KTN1: variants seen among roughly 807,000 people sequenced by gnomAD.
KTN1 encodes the protein kinectin.
KTN1 carries 130 observed loss-of-function variants against 222.5 expected under a neutral mutation model. That is an observed-to-expected ratio of 0.58 (90% CI 0.51 to 0.68). KTN1 has a LOEUF of 0.68. KTN1 is among the 30% of genes least tolerant of loss of function. The pLI is 0.00. For missense variants in KTN1, 1,508 were observed against 1,500.4 expected, an observed-to-expected ratio of 1.01 and a Z score of -0.08; for synonymous variants, 512 against 496.3, an observed-to-expected ratio of 1.03 and a Z score of -0.42.
chr14:55,592,731 A>C (rs1480966805), intron 1 of KTN1, among the ~76,000 whole-genome samples: 1 of 152,188 alleles, frequency 6.6e-6, no homozygotes, highest in Non-Finnish European at 1.5e-5. Flanking sequence ...CAGTGTTTGC[A>C]TGTGGTTTTC....
At chr14:55,638,301 C>A (rs995654384) in intron 12 of KTN1, among the ~76,000 whole-genome samples, 1 of 151,778 alleles carries the variant, frequency 6.6e-6, no homozygotes, top group African/African-American at 2.4e-5. Context: ...AGTGACTCAG[C>A]CTTCCAAAGT....
intron 5 of KTN1, among the ~76,000 whole-genome samples, chr14:55,620,587 G>A (rs182738578): frequency 1.6e-4 from 24 of 152,180 alleles, no homozygotes; most frequent in African/African-American, 5.8e-4. Flanking sequence ...ACACTACGTT[G>A]AAGCTGCTAA....
intron 29 of KTN1, 92 bp from the exon 30 acceptor site, chr14:55,658,454 C>A (rs955539468): frequency 1.3e-6 from 1 of 756,642 alleles, no homozygotes; most frequent in Non-Finnish European, 2.3e-6. Context: ...TGGAATTTTT[C>A]TAGCTTGTAT....
intron 22 of KTN1, 87 bp downstream of exon 22, chr14:55,649,900 A>G (rs956383635): frequency 4.2e-6 from 3 of 709,478 alleles, no homozygotes; most frequent in African/African-American, 1.9e-5. Context: ...TTTATTGTGC[A>G]GTTGGGACAG....
At chr14:55,647,548 A>C (rs11158046) in intron 19 of KTN1, among the ~76,000 whole-genome samples, 1 of 149,016 alleles carries the variant, frequency 6.7e-6, no homozygotes, top group Non-Finnish European at 1.5e-5. Flanking sequence ...CAGGAGAATC[A>C]CTTGAACCTG....
chr14:55,647,805 G>A lies in KTN1; in HGVS notation c.2208-220G>A, dbSNP rs568819705. Among the ~76,000 whole-genome samples the A allele has an allele frequency of 3.1e-3, 470 of 150,714 alleles. 1 individual carries two copies. Among genetic ancestry groups the A allele is most frequent in the African/African-American group, 0.011 (450 of 41,066 alleles). ...TAAAAATACAAAAAATTAGCCAGGC[G>A]TGGTGGCGGGCGCCTGTAGTCCCAG... On this transcript the variant is annotated intron_variant, in intron 19 of 43. Transcript: ENST00000395314.
rs766807505 is a variant in KTN1, at chr14:55,653,088, A to G, written c.2763+3A>G. The G allele has an allele frequency of 1.6e-5, 25 of 1,555,004 alleles. No homozygotes were observed. Among genetic ancestry groups the G allele is most frequent in the Admixed American group, 5.1e-5 (3 of 59,142 alleles). Reference sequence around the variant, plus strand: ...TAGCACAACATAACTTGAAAGAGGTATAGTATAAACAAATTACCAACATGT... The same window carrying G: ...TAGCACAACATAACTTGAAAGAGGTGTAGTATAAACAAATTACCAACATGT... On this transcript the variant is annotated splice_donor_region_variant and intron_variant, in intron 27 of 43. Coordinates refer to ENST00000395314, the MANE Select transcript of KTN1 (RefSeq NM_001079521.2).
intron 7 of KTN1, among the ~76,000 whole-genome samples, chr14:55,631,846 GT>G (rs1170086995): frequency 6.6e-6 from 1 of 152,020 alleles, no homozygotes; most frequent in Non-Finnish European, 1.5e-5. Context: ...CATGTCTTTA[GT>G]TTATTATTAC....
At chr14:55,677,550 C>T (rs957560198) in intron 41 of KTN1, among the ~76,000 whole-genome samples, 5 of 151,236 alleles carry the variant, frequency 3.3e-5, no homozygotes, top group East Asian at 1.9e-4. Flanking sequence ...TATGTTAAAG[C>T]TCACTTATGT....
chr14:55,590,692 T>C (rs1233612082), intron 1 of KTN1, among the ~76,000 whole-genome samples: 3 of 152,024 alleles, frequency 2.0e-5, no homozygotes, highest in Admixed American at 1.3e-4. Flanking sequence ...TTTTTTTTTT[T>C]TGAGATGGAG....
Position 55,618,770 on chromosome 14 carries a change from CAT to C in KTN1, c.833-411_833-410del, listed in dbSNP as rs1466633057. Among the ~76,000 whole-genome samples, 14 of 152,258 alleles carry C rather than the reference CAT, an allele frequency of 9.2e-5. No homozygotes were observed. The East Asian group carries it at 1.2e-3, about 13-fold the overall frequency. ...ACAATTATCTTAGAACTTATTTTCT[CAT>C]GTGTGGAATTTGGCTTAATATCTCT... On this transcript the variant is annotated intron_variant, in intron 4 of 43. Coordinates refer to ENST00000395314, the MANE Select transcript of KTN1 (RefSeq NM_001079521.2).
intron 1 of KTN1, among the ~76,000 whole-genome samples, chr14:55,603,381 C>T (rs1456661659): frequency 6.6e-6 from 1 of 152,222 alleles, no homozygotes; most frequent in Non-Finnish European, 1.5e-5. Flanking sequence ...CTGCTTTGGT[C>T]AAAGTCACCA....
rs1017558662 is a variant in KTN1, at chr14:55,622,518, A to C, written c.963+3206A>C. Among the ~76,000 whole-genome samples the C allele has an allele frequency of 2.6e-5, 4 of 152,212 alleles. No homozygotes were observed. In the South Asian group the frequency reaches 8.3e-4, roughly 32 times the overall value. ...GAAAGGTGACAAATTTTCAAGGGTT[A>C]CCTATGTAAAATAAAGTGATATGTT... On this transcript the variant is annotated intron_variant, in intron 5 of 43. Coordinates refer to ENST00000395314, the MANE Select transcript of KTN1 (RefSeq NM_001079521.2).
chr14:55,632,527 C>T (rs1383032561), intron 7 of KTN1, among the ~76,000 whole-genome samples: 4 of 151,718 alleles, frequency 2.6e-5, no homozygotes, highest in Non-Finnish European at 5.9e-5. Flanking sequence ...TCGCCAGGGG[C>T]TGCAGGGAGA....
At chr14:55,604,027 T>G (rs1418987642) in intron 1 of KTN1, among the ~76,000 whole-genome samples, 1 of 152,208 alleles carries the variant, frequency 6.6e-6, no homozygotes, top group Non-Finnish European at 1.5e-5. Context: ...CAGTTCTCCC[T>G]GATTTCACTT....
intron 18 of KTN1, among the ~76,000 whole-genome samples, chr14:55,646,230 C>A (rs140288253): frequency 1.3e-5 from 2 of 152,102 alleles, no homozygotes; most frequent in Non-Finnish European, 2.9e-5. Context: ...TTGCAATTTA[C>A]AATCAGTTTT....
intron 43 of KTN1, chr14:55,683,865 G>A: frequency 2.4e-6 from 1 of 424,530 alleles, no homozygotes; most frequent in East Asian, 3.6e-5. Context: ...TGTTTTAAAT[G>A]TTTTCTAACA....
chr14:55,630,550 T>C (rs1373638606), intron 7 of KTN1, among the ~76,000 whole-genome samples: 3 of 152,118 alleles, frequency 2.0e-5, no homozygotes, highest in Non-Finnish European at 2.9e-5. Flanking sequence ...TTTTAATGAG[T>C]GCACTCCAGG....
intron 3 of KTN1, among the ~76,000 whole-genome samples, chr14:55,617,654 T>A (rs2038573823): frequency 1.3e-5 from 2 of 152,188 alleles, no homozygotes; most frequent in African/African-American, 4.8e-5. Context: ...TGGAAATAAT[T>A]CTTATATTAA....
Sources: gnomAD v4.1 joint callset for allele counts (sites outside exome capture counted in the v4.1 genomes callset) on GRCh38, gnomAD v4.1.1 for gene constraint, MANE v1.5 for transcripts, NCBI Gene and HGNC (gene_info 2026-07-23, HGNC 2026-07-21) for gene names.